The following CERS6 variants were observed in gnomAD, a reference collection of about 807,000 sequenced individuals.
CERS6 encodes the protein LAG1 homolog, ceramide synthase 6.
Under a neutral mutation model 56.8 loss-of-function variants are expected in CERS6, and 26 were observed. The ratio of observed to expected loss-of-function variants is 0.46; its 90% CI spans 0.34 to 0.63. The LOEUF is 0.63. Among genes scored for constraint, CERS6 ranks in the 30% least tolerant of loss-of-function variants. CERS6 has a pLI of 0.01. For synonymous variants in CERS6, 164 were observed against 173.3 expected (o/e 0.95, Z 0.42); for missense variants, 415 against 467.5 (o/e 0.89, Z 1.04).
At chr2:168,469,911 A>G (rs117704107) in intron 1 of CERS6, among the ~76,000 whole-genome samples, 1 of 152,138 alleles carries the variant, frequency 6.6e-6, no homozygotes, top group Non-Finnish European at 1.5e-5. Flanking sequence ...GCCTAAAGAG[A>G]TGAATGAAGT....
intron 6 of CERS6, among the ~76,000 whole-genome samples, chr2:168,699,548 A>G (rs1335627922): frequency 6.6e-6 from 1 of 152,128 alleles, no homozygotes; most frequent in Non-Finnish European, 1.5e-5. Context: ...TGGGTTCACG[A>G]ATTTTTCTAA....
At chr2:168,507,433 A>G (rs1313099779) in intron 1 of CERS6, among the ~76,000 whole-genome samples, 2 of 151,780 alleles carry the variant, frequency 1.3e-5, no homozygotes, top group African/African-American at 4.8e-5. Context: ...TAGGATATAG[A>G]TCCTTCTGGT....
chr2:168,495,467 A>T (rs1278212428), intron 1 of CERS6, among the ~76,000 whole-genome samples: 1 of 152,220 alleles, frequency 6.6e-6, no homozygotes. Flanking sequence ...TCTCAGGTCC[A>T]CTTGGTTCCA....
At chr2:168,574,363 A>G (rs1258066712) in intron 3 of CERS6, among the ~76,000 whole-genome samples, 2 of 145,058 alleles carry the variant, frequency 1.4e-5, no homozygotes, top group Admixed American at 7.0e-5. Context: ...ACGTGGCTCA[A>G]TAAGTTTTGT....
intron 3 of CERS6, among the ~76,000 whole-genome samples, chr2:168,575,159 C>T (rs1050480327): frequency 1.3e-5 from 2 of 152,188 alleles, no homozygotes; most frequent in Admixed American, 6.5e-5. Context: ...GAAACTTAAC[C>T]TGAGTCAAAA....
intron 3 of CERS6, among the ~76,000 whole-genome samples, chr2:168,603,622 T>C (rs112959018): frequency 6.6e-6 from 1 of 152,232 alleles, no homozygotes; most frequent in African/African-American, 2.4e-5. Flanking sequence ...TCTTTTAACA[T>C]CTTTCAGATG....
chr2:168,486,102 A>G (rs1422162071), intron 1 of CERS6, among the ~76,000 whole-genome samples: 1 of 152,158 alleles, frequency 6.6e-6, no homozygotes, highest in Non-Finnish European at 1.5e-5. Flanking sequence ...TTAATGACAT[A>G]TGATATTGAA....
rs189276234 is a variant in CERS6 at position 168,521,930 on chromosome 2, T to G, written c.171-25666T>G. Among the ~76,000 whole-genome samples, 589 of 152,328 alleles carry G rather than the reference T, an allele frequency of 3.9e-3. 3 individuals are homozygous for G. The highest frequency in any genetic ancestry group is 0.01 in the Middle Eastern group (3 of 294). On this transcript the variant is annotated intron_variant, in intron 1 of 9. Transcript: ENST00000305747. ...TTTGTTAGAAGCAGTTTTTCAAAAGTAAAATAGAGGCATGTAGAGGTTTTT... is the reference window on the plus strand; with the variant it reads ...TTTGTTAGAAGCAGTTTTTCAAAAGGAAAATAGAGGCATGTAGAGGTTTTT...
At chr2:168,573,526 C>T (rs1683171634) in intron 3 of CERS6, among the ~76,000 whole-genome samples, 1 of 152,100 alleles carries the variant, frequency 6.6e-6, no homozygotes, top group African/African-American at 2.4e-5. Flanking sequence ...TAGTGATACC[C>T]ATGGGACAAG....
chr2:168,582,037 G>T (rs949233461), intron 3 of CERS6, among the ~76,000 whole-genome samples: 1 of 152,194 alleles, frequency 6.6e-6, no homozygotes, highest in Non-Finnish European at 1.5e-5. Flanking sequence ...GATCACAGTT[G>T]TGGGTCTCTT....
chr2:168,503,060 GT>G (rs1167770693), intron 1 of CERS6, among the ~76,000 whole-genome samples: 3 of 152,108 alleles, frequency 2.0e-5, no homozygotes, highest in Non-Finnish European at 4.4e-5. Flanking sequence ...CATGGGGGTG[GT>G]TTCCCCCATG....
chr2:168,657,649 G>T (rs1026608286), intron 4 of CERS6, among the ~76,000 whole-genome samples: 1 of 152,242 alleles, frequency 6.6e-6, no homozygotes, highest in African/African-American at 2.4e-5. Context: ...ACTGCTGGGG[G>T]ACTCAGTACA....
chr2:168,504,363 C>G lies in CERS6; in HGVS notation c.171-43233C>G, dbSNP rs1370966062. Reference sequence around the variant, plus strand: ...TCCAGTCTGGGTGACAGAGTGAGATCCCATTTAAACAAAAAAAAAAAGGAA... The same window carrying G: ...TCCAGTCTGGGTGACAGAGTGAGATGCCATTTAAACAAAAAAAAAAAGGAA... On this transcript the variant is annotated intron_variant, in intron 1 of 9. Transcript: ENST00000305747. Among the ~76,000 whole-genome samples, 4 of 150,238 alleles carry G rather than the reference C, an allele frequency of 2.7e-5. No homozygotes were observed. In the South Asian group the frequency reaches 6.3e-4, roughly 24 times the overall value.
At chr2:168,634,437 G>C (rs145488203) in intron 4 of CERS6, among the ~76,000 whole-genome samples, 1 of 152,090 alleles carries the variant, frequency 6.6e-6, no homozygotes, top group South Asian at 2.1e-4. Flanking sequence ...TTTTGAGATG[G>C]AGTCTCGCTC....
chr2:168,730,728 G>T (rs999686349), intron 8 of CERS6, among the ~76,000 whole-genome samples: 11 of 152,002 alleles, frequency 7.2e-5, no homozygotes, highest in African/African-American at 2.7e-4. Flanking sequence ...TTGAAAGGAC[G>T]GCATATAAAC....
intron 1 of CERS6, among the ~76,000 whole-genome samples, chr2:168,503,419 T>A (rs887208998): frequency 1.3e-5 from 2 of 152,070 alleles, no homozygotes; most frequent in African/African-American, 2.4e-5. Flanking sequence ...TATGGTTAGG[T>A]TACAAGAGGA....
At chr2:168,638,827 A>G (rs1346458478) in intron 4 of CERS6, among the ~76,000 whole-genome samples, 1 of 152,200 alleles carries the variant, frequency 6.6e-6, no homozygotes, top group Non-Finnish European at 1.5e-5. Flanking sequence ...TGTGAGGTAT[A>G]CAGACTTTAG....
At chr2:168,616,926 A>T (rs1684332294) in intron 3 of CERS6, among the ~76,000 whole-genome samples, 1 of 152,234 alleles carries the variant, frequency 6.6e-6, no homozygotes, top group Non-Finnish European at 1.5e-5. Context: ...ACAACCACAG[A>T]ATATGCATTT....
At chr2:168,625,059 T>G (rs1255547466) in intron 3 of CERS6, among the ~76,000 whole-genome samples, 2 of 152,180 alleles carry the variant, frequency 1.3e-5, no homozygotes, top group African/African-American at 4.8e-5. Flanking sequence ...AAAGAAAAAT[T>G]TTAATGTCAT....
Sources: gnomAD v4.1 joint callset for allele counts (sites outside exome capture counted in the v4.1 genomes callset) on GRCh38, gnomAD v4.1.1 for gene constraint, MANE v1.5 for transcripts, NCBI Gene and HGNC (gene_info 2026-07-23, HGNC 2026-07-21) for gene names.